MAPK1IP1L: variants seen among roughly 807,000 people sequenced by gnomAD.
MAPK1IP1L encodes the protein mitogen-activated protein kinase 1 interacting protein 1 like.
MAPK1IP1L carries 10 observed loss-of-function variants against 18.1 expected under a neutral mutation model. That is an observed-to-expected ratio of 0.55 (90% CI 0.34 to 0.94). The LOEUF (loss-of-function observed/expected upper bound fraction) is 0.94, where lower values mean the gene tolerates loss of function less well. Among genes scored for constraint, MAPK1IP1L ranks in the 40% least tolerant of loss-of-function variants. The pLI is 0.02. For synonymous variants in MAPK1IP1L, 115 were observed against 117.3 expected (o/e 0.98, Z 0.13); for missense variants, 260 against 318.2 (o/e 0.82, Z 1.39).
intron 1 of MAPK1IP1L, among the ~76,000 whole-genome samples, chr14:55,054,177 C>CTTTTTTT (rs371063665): frequency 1.6e-5 from 2 of 127,290 alleles, no homozygotes; most frequent in Non-Finnish European, 3.3e-5. Flanking sequence ...TTTATATTTT[C>CTTTTTTT]TTTTTTTTTT....
At chr14:55,061,842 T>G (rs1468029437) in intron 2 of MAPK1IP1L, 141 bp downstream of exon 2, 3 of 630,800 alleles carry the variant, frequency 4.8e-6, no homozygotes, top group Non-Finnish European at 7.6e-6. Context: ...TCCTAGCTAC[T>G]TGGGAGGATC....
Position 55,069,090 on chromosome 14 carries a change from G to A in MAPK1IP1L, c.*4463G>A, listed in dbSNP as rs888341190. ...AACAATTCAAGTGTGCAAAGTAACA[G>A]GATAGTTTGCCTCTTCACTTTACCC... On this transcript the variant is annotated 3_prime_UTR_variant, in exon 4 of 4. Coordinates refer to ENST00000395468, the MANE Select transcript of MAPK1IP1L (RefSeq NM_144578.4). The A allele has an allele frequency of 6.6e-6, 1 of 152,026 alleles. No individual in the cohort carries two copies. The highest frequency in any genetic ancestry group is 2.4e-5 in the African/African-American group (1 of 41,372). The allele number at this position is 152,026 out of a possible 1,614,324, so 9.4% of individuals were successfully genotyped here. A position where few individuals can be genotyped will look rare whatever the true frequency, so the allele number is the denominator to read the frequency against.
In MAPK1IP1L at chr14:55,066,171, T is replaced by C. The variant is rs575020807; in HGVS notation, c.*1544T>C. 6.6e-6 allele frequency: 1 copy of C among 152,320 alleles called. No individual in the cohort carries two copies. Among genetic ancestry groups the C allele is most frequent in the East Asian group, 1.9e-4 (1 of 5,188 alleles). 9.4% of individuals were successfully genotyped at this position (152,320 alleles called of 1,614,324 possible). On this transcript the variant is annotated 3_prime_UTR_variant, in exon 4 of 4. Coordinates refer to ENST00000395468, the MANE Select transcript of MAPK1IP1L (RefSeq NM_144578.4). ...CTCTGTTTTGCTTAGAAATAAAATA[T>C]TTAGTAGTTTATTTCTGCTCTAATT...
intron 1 of MAPK1IP1L, among the ~76,000 whole-genome samples, chr14:55,057,662 A>G (rs2042782373): frequency 6.6e-6 from 1 of 152,096 alleles, no homozygotes; most frequent in Admixed American, 6.6e-5. Context: ...AGACTGAGGC[A>G]CGAGAATCGC....
intron 1 of MAPK1IP1L, among the ~76,000 whole-genome samples, chr14:55,053,233 C>A (rs777650122): frequency 6.6e-6 from 1 of 152,190 alleles, no homozygotes; most frequent in Non-Finnish European, 1.5e-5. Flanking sequence ...TACAGCAAAT[C>A]TATGATGTGG....
At chr14:55,059,680 T>G (rs1308983243) in intron 1 of MAPK1IP1L, among the ~76,000 whole-genome samples, 1 of 152,208 alleles carries the variant, frequency 6.6e-6, no homozygotes, top group Non-Finnish European at 1.5e-5. Context: ...TTGAACTGCT[T>G]CTCTCCTTGT....
At chr14:55,051,866 C>A (rs1256129416) in intron 1 of MAPK1IP1L, 63 bp downstream of exon 1, 2 of 426,512 alleles carry the variant, frequency 4.7e-6, no homozygotes, top group Non-Finnish European at 4.7e-6. Context: ...GGTTGCGGAG[C>A]CCGCGGGCGC....
At chr14:55,059,225 GAAAAAAAAA>G (rs3078612) in intron 1 of MAPK1IP1L, among the ~76,000 whole-genome samples, 2 of 63,280 alleles carry the variant, frequency 3.2e-5, no homozygotes, top group Non-Finnish European at 6.1e-5. Flanking sequence ...AGGAAAATCT[GAAAAAAAAA>G]AAAAAAAAAA....
intron 3 of MAPK1IP1L, 138 bp from the exon 4 acceptor site, chr14:55,064,478 C>G: frequency 3.3e-6 from 2 of 613,244 alleles, no homozygotes. Context: ...ATTTGTTTTG[C>G]AAAGTGTATG....
At chr14:55,061,780 C>G in intron 2 of MAPK1IP1L, 79 bp downstream of exon 2, 1 of 1,166,150 alleles carries the variant, frequency 8.6e-7, no homozygotes, top group Non-Finnish European at 1.2e-6. Flanking sequence ...CTACGTAAAT[C>G]TTTTCACTTA....
rs1450680942 is a variant in MAPK1IP1L at position 55,065,568 on chromosome 14, T to G, written c.*941T>G. On this transcript the variant is annotated 3_prime_UTR_variant, in exon 4 of 4. Transcript: ENST00000395468. ...GTAGCCACCCCCACCCCACTTGCCCTTGGTTCTTTAGAAGGAGCACACACA... is the reference window on the plus strand; with the variant it reads ...GTAGCCACCCCCACCCCACTTGCCCGTGGTTCTTTAGAAGGAGCACACACA... The G allele has an allele frequency of 1.3e-5, 2 of 152,028 alleles. No homozygotes were observed. The highest frequency in any genetic ancestry group is 2.9e-5 in the Non-Finnish European group (2 of 67,990). 9.4% of individuals were successfully genotyped at this position (152,028 alleles called of 1,614,324 possible).
At position 55,066,700 on chromosome 14, in the gene MAPK1IP1L, T is replaced by C. The variant is rs1594628535; in HGVS notation, c.*2073T>C. On this transcript the variant is annotated 3_prime_UTR_variant, in exon 4 of 4. Coordinates refer to ENST00000395468, the MANE Select transcript of MAPK1IP1L (RefSeq NM_144578.4). Reference sequence around the variant, plus strand: ...GAAGAAGAGATAGCAGGTTTGGGAATCTATAATTATGAAGTCCATTGATTT... The same window carrying C: ...GAAGAAGAGATAGCAGGTTTGGGAACCTATAATTATGAAGTCCATTGATTT... 6.6e-6 allele frequency: 1 copy of C among 152,292 alleles called. No homozygotes were observed. The highest frequency in any genetic ancestry group is 1.9e-4 in the East Asian group (1 of 5,180). The allele number at this position is 152,292 out of a possible 1,614,324, so 9.4% of individuals were successfully genotyped here.
chr14:55,069,009 C>G lies in MAPK1IP1L; in HGVS notation c.*4382C>G, dbSNP rs1456379439. 6.6e-6 allele frequency: 1 copy of G among 151,208 alleles called. No homozygotes were observed. Among genetic ancestry groups the G allele is most frequent in the Non-Finnish European group, 1.5e-5 (1 of 67,878 alleles). 9.4% of individuals were successfully genotyped at this position (151,208 alleles called of 1,614,324 possible). Reference sequence around the variant, plus strand: ...ATCTTAAAGGGTGACATGTGGCATGCCTTTTTTTTTTTTTAAGAATTTAAT... The same window carrying G: ...ATCTTAAAGGGTGACATGTGGCATGGCTTTTTTTTTTTTTAAGAATTTAAT... On this transcript the variant is annotated 3_prime_UTR_variant, in exon 4 of 4. Transcript: ENST00000395468.
At chr14:55,054,977 A>C (rs962548658) in intron 1 of MAPK1IP1L, among the ~76,000 whole-genome samples, 5 of 152,258 alleles carry the variant, frequency 3.3e-5, no homozygotes, top group African/African-American at 1.2e-4. Context: ...ATAAAATGGT[A>C]ACAAAGTTTT....
In MAPK1IP1L at chr14:55,057,770, T is replaced by A. The variant is rs917924523; in HGVS notation, c.-4-3910T>A. On this transcript the variant is annotated intron_variant, in intron 1 of 3. Coordinates refer to ENST00000395468, the MANE Select transcript of MAPK1IP1L (RefSeq NM_144578.4). ...ACTCCATCTCAAAAAAAAAAAAAAA[T>A]TTAAATGATTTCTACTAAAAATTTT... Among the ~76,000 whole-genome samples, 8 of 150,336 alleles carry A rather than the reference T, an allele frequency of 5.3e-5. No homozygotes were observed. In the South Asian group the frequency reaches 1.3e-3, roughly 24 times the overall value.
chr14:55,061,714 GT>G lies in MAPK1IP1L; in HGVS notation c.18+16del. On this transcript the variant is annotated intron_variant, in intron 2 of 3. Coordinates refer to ENST00000395468, the MANE Select transcript of MAPK1IP1L (RefSeq NM_144578.4). ...TGATGAATTTTCGGTAAGTTGATCAGTTTATCTGTGATAAGTTTTTCATCTC... is the reference window on the plus strand; with the variant it reads ...TGATGAATTTTCGGTAAGTTGATCAGTTATCTGTGATAAGTTTTTCATCTC... The G allele has an allele frequency of 6.4e-7, 1 of 1,557,012 alleles. No homozygotes were observed. Among genetic ancestry groups the G allele is most frequent in the Non-Finnish European group, 8.7e-7 (1 of 1,145,266 alleles).
At chr14:55,059,311 G>A (rs948031748) in intron 1 of MAPK1IP1L, among the ~76,000 whole-genome samples, 2 of 150,828 alleles carry the variant, frequency 1.3e-5, no homozygotes, top group African/African-American at 4.9e-5. Flanking sequence ...AATTAAAATG[G>A]AATGGTACAG....
At chr14:55,055,371 T>G (rs146070820) in intron 1 of MAPK1IP1L, among the ~76,000 whole-genome samples, 7 of 152,280 alleles carry the variant, frequency 4.6e-5, no homozygotes, top group Non-Finnish European at 1.0e-4. Context: ...GAAAGTATTC[T>G]CCAAAGAACA....
rs2296493 is a variant in MAPK1IP1L at position 55,051,715 on chromosome 14, G to A, written c.-93G>A. 3.9e-6 allele frequency: 2 copies of A among 516,314 alleles called. No individual in the cohort carries two copies. Among genetic ancestry groups the A allele is most frequent in the Non-Finnish European group, 3.9e-6 (1 of 259,516 alleles). 32.0% of individuals were successfully genotyped at this position (516,314 alleles called of 1,614,324 possible). A position where few individuals can be genotyped will look rare whatever the true frequency, so the allele number is the denominator to read the frequency against. ...TGTTGCCGCCGCTGCTCTAGCTGCC[G>A]TCAGTCAGGCTGCGCCCGCGTCTTC... On this transcript the variant is annotated 5_prime_UTR_variant, in exon 1 of 4. Coordinates refer to ENST00000395468, the MANE Select transcript of MAPK1IP1L (RefSeq NM_144578.4).
Sources: gnomAD v4.1 joint callset for allele counts (sites outside exome capture counted in the v4.1 genomes callset) on GRCh38, gnomAD v4.1.1 for gene constraint, MANE v1.5 for transcripts, NCBI Gene and HGNC (gene_info 2026-07-23, HGNC 2026-07-21) for gene names.